Variants in SCIN observed in about 807,000 individuals in gnomAD.
The protein encoded by SCIN is adseverin.
Under a neutral mutation model 91.8 loss-of-function variants are expected in SCIN, and 91 were observed. That is an observed-to-expected ratio of 0.99 (90% CI 0.84 to 1.18). The LOEUF (loss-of-function observed/expected upper bound fraction) is 1.18, where lower values mean the gene tolerates loss of function less well. Ranked by LOEUF, SCIN falls within the 50% of genes most tolerant of loss-of-function variation. SCIN has a pLI of 0.00. For synonymous variants in SCIN, 367 were observed against 312.6 expected, an observed-to-expected ratio of 1.17 and a Z score of -1.84; for missense variants, 1,087 against 863.9, an observed-to-expected ratio of 1.26 and a Z score of -3.24.
chr7:12,639,310 AT>A (rs1238546628), intron 10 of SCIN, among the ~76,000 whole-genome samples: 1 of 152,240 alleles, frequency 6.6e-6, no homozygotes, highest in East Asian at 1.9e-4. Flanking sequence ...CGTTTCCATA[AT>A]TTGCTGCTCA....
intron 3 of SCIN, chr7:12,595,780 C>T (rs1221280725): frequency 6.6e-6 from 1 of 152,146 alleles, no homozygotes; most frequent in Admixed American, 6.5e-5. Flanking sequence ...GACTCCTTCC[C>T]TCCAGGATAC....
chr7:12,629,250 G>A (rs1386074094), intron 9 of SCIN, 28 bp downstream of exon 9: 1 of 1,582,730 alleles, frequency 6.3e-7, no homozygotes, highest in African/African-American at 1.4e-5. Flanking sequence ...AAGATCTCGA[G>A]TTCCACAGGA....
chr7:12,611,878 T>A (rs145617839), intron 4 of SCIN, among the ~76,000 whole-genome samples: 1 of 151,456 alleles, frequency 6.6e-6, no homozygotes, highest in African/African-American at 2.4e-5. Flanking sequence ...TGCCTGTGAA[T>A]ATCCACTGCA....
intron 1 of SCIN, among the ~76,000 whole-genome samples, chr7:12,575,355 T>C (rs1222565150): frequency 6.6e-6 from 1 of 151,984 alleles, no homozygotes; most frequent in Non-Finnish European, 1.5e-5. Context: ...TTTCTTTTTC[T>C]TACTTTATTG....
At chr7:12,589,852 C>A (rs755539851) in intron 3 of SCIN, among the ~76,000 whole-genome samples, 4 of 152,056 alleles carry the variant, frequency 2.6e-5, no homozygotes, top group Non-Finnish European at 2.9e-5. Context: ...GAGGAAAGGG[C>A]GTCCGTATAT....
At chr7:12,575,363 T>C (rs1452598303) in intron 1 of SCIN, among the ~76,000 whole-genome samples, 1 of 151,924 alleles carries the variant, frequency 6.6e-6, no homozygotes, top group Admixed American at 6.6e-5. Flanking sequence ...TCTTACTTTA[T>C]TGCAGTGGTT....
chr7:12,648,283 TTCTC>T (rs1181601531), intron 13 of SCIN, among the ~76,000 whole-genome samples: 8 of 151,206 alleles, frequency 5.3e-5, no homozygotes, highest in East Asian at 3.9e-4. Context: ...TATTGACTTT[TTCTC>T]TCTCTCTCTT....
intron 3 of SCIN, among the ~76,000 whole-genome samples, chr7:12,597,094 G>T (rs2115241423): frequency 6.6e-6 from 1 of 152,256 alleles, no homozygotes; most frequent in African/African-American, 2.4e-5. Context: ...GTAACTGAAG[G>T]ATATTGAGTT....
chr7:12,583,772 C>A (rs1782534548), intron 3 of SCIN, among the ~76,000 whole-genome samples: 1 of 152,112 alleles, frequency 6.6e-6, no homozygotes, highest in African/African-American at 2.4e-5. Flanking sequence ...GGAGTATGGG[C>A]CACAAATCCA....
chr7:12,634,922 C>T (rs2056620), intron 9 of SCIN, among the ~76,000 whole-genome samples: 37,746 of 152,010 alleles, frequency 0.25, 5,950 homozygotes, highest in African/African-American at 0.41. Flanking sequence ...TGCAGTGCCT[C>T]ACCCCTTTAA....
chr7:12,617,291 A>G (rs2115265076), intron 4 of SCIN, among the ~76,000 whole-genome samples: 1 of 152,226 alleles, frequency 6.6e-6, no homozygotes, highest in South Asian at 2.1e-4. Flanking sequence ...GAGCCATATT[A>G]TTTATTATAC....
intron 8 of SCIN, among the ~76,000 whole-genome samples, chr7:12,628,032 CGTGTGT>C (rs59555647): frequency 0.044 from 6,449 of 146,202 alleles, 183 homozygotes; most frequent in African/African-American, 0.07. Flanking sequence ...AGTGTGCGCG[CGTGTGT>C]GTGTGTGTGT....
At chr7:12,577,869 AT>A (rs1394118514) in intron 1 of SCIN, 194 bp from the exon 2 acceptor site, 16 of 528,124 alleles carry the variant, frequency 3.0e-5, no homozygotes, top group African/African-American at 8.0e-5. Context: ...AAAAAAAAAA[AT>A]AGACTAAAAA....
chr7:12,577,905 T>G, intron 1 of SCIN, 159 bp from the exon 2 acceptor site: 1 of 631,132 alleles, frequency 1.6e-6, no homozygotes, highest in Non-Finnish European at 2.6e-6. Flanking sequence ...AGCAAAATAA[T>G]GTATTACATA....
At chr7:12,613,370 A>G (rs1018728622) in intron 4 of SCIN, among the ~76,000 whole-genome samples, 2 of 152,186 alleles carry the variant, frequency 1.3e-5, no homozygotes, top group African/African-American at 2.4e-5. Context: ...GTATATAATA[A>G]TAAACAATAG....
chr7:12,601,863 T>A (rs1782965484), intron 3 of SCIN, among the ~76,000 whole-genome samples: 1 of 152,206 alleles, frequency 6.6e-6, no homozygotes, highest in African/African-American at 2.4e-5. Flanking sequence ...ATTTTCTACA[T>A]CAGTATTTAA....
chr7:12,577,244 A>G (rs1030697346), intron 1 of SCIN, among the ~76,000 whole-genome samples: 2 of 152,196 alleles, frequency 1.3e-5, no homozygotes, highest in Non-Finnish European at 2.9e-5. Flanking sequence ...ATAGTGAAGT[A>G]GGGAAAAAGA....
rs1053545278 is a variant in SCIN, at chr7:12,653,536, G to C, written c.*821G>C. 5.9e-5 allele frequency: 9 copies of C among 152,162 alleles called. No homozygotes were observed. The highest frequency in any genetic ancestry group is 8.8e-5 in the Non-Finnish European group (6 of 68,014). The allele number at this position is 152,162 out of a possible 1,614,324, so 9.4% of individuals were successfully genotyped here. A position where few individuals can be genotyped will look rare whatever the true frequency, so the allele number is the denominator to read the frequency against. On this transcript the variant is annotated 3_prime_UTR_variant, in exon 16 of 16. Transcript: ENST00000297029. This position sits in a 1 kb window ranked among gnomAD's most constrained non-coding sequence, Gnocchi z 4.1. ...CAATATGACTTTGATGTCATTAACT[G>C]CTAAGTGTTATTTTCTAAGAGGAAT...
At chr7:12,616,667 G>A (rs987794275) in intron 4 of SCIN, among the ~76,000 whole-genome samples, 4 of 151,970 alleles carry the variant, frequency 2.6e-5, no homozygotes, top group African/African-American at 9.7e-5. Flanking sequence ...TTATAGACAC[G>A]CAAGAAATAA....
Sources: gnomAD v4.1 joint callset for allele counts (sites outside exome capture counted in the v4.1 genomes callset) on GRCh38, gnomAD v4.1.1 for gene constraint, Gnocchi (gnomAD v3.1) non-coding constraint, MANE v1.5 for transcripts, NCBI Gene and HGNC (gene_info 2026-07-23, HGNC 2026-07-21) for gene names.